Variants in NRXN3 observed in about 807,000 individuals in gnomAD.
The protein encoded by NRXN3 is neurexin 3, also known as neurexin III.
NRXN3 carries 32 observed loss-of-function variants against 137.6 expected under a neutral mutation model. The observed-to-expected ratio is 0.23, with a 90% CI of 0.18 to 0.31. NRXN3 has a LOEUF of 0.31. Among genes scored for constraint, NRXN3 ranks in the 10% least tolerant of loss-of-function variants. The probability of loss-of-function intolerance (pLI) is 1.00; values close to 1 mark genes in which losing one functional copy is unlikely to be tolerated. For missense variants in NRXN3, 1,574 were observed against 2,062.5 expected (o/e 0.76, Z 4.59); for synonymous variants, 798 against 784.5 (o/e 1.02, Z -0.29).
chr14:79,137,401 T>G (rs1193386650), intron 15 of NRXN3, among the ~76,000 whole-genome samples: 2 of 152,128 alleles, frequency 1.3e-5, no homozygotes, highest in Admixed American at 1.3e-4. Flanking sequence ...TGAAAAGTGA[T>G]GCACACTGCC....
chr14:79,492,316 A>T (rs938886163), intron 16 of NRXN3, among the ~76,000 whole-genome samples: 2 of 152,162 alleles, frequency 1.3e-5, no homozygotes, highest in African/African-American at 4.8e-5. Flanking sequence ...CCTATTCTCC[A>T]GTGCTGTCTT....
intron 19 of NRXN3, among the ~76,000 whole-genome samples, chr14:79,705,859 C>A (rs749857262): frequency 1.4e-4 from 21 of 152,152 alleles, no homozygotes; most frequent in Non-Finnish European, 1.8e-4. Context: ...TGTTTATTGT[C>A]CCTATTTAGT....
chr14:79,452,140 A>G (rs1258089759), intron 15 of NRXN3, among the ~76,000 whole-genome samples: 1 of 152,140 alleles, frequency 6.6e-6, no homozygotes, highest in African/African-American at 2.4e-5. Context: ...TAGCCACATA[A>G]AAAAGCAGTT....
chr14:79,294,285 G>T (rs2083670146), intron 15 of NRXN3, among the ~76,000 whole-genome samples: 1 of 152,082 alleles, frequency 6.6e-6, no homozygotes, highest in African/African-American at 2.4e-5. Flanking sequence ...TGTTAACTCA[G>T]GTAATTATTA....
At chr14:78,666,304 C>T (rs910634219) in intron 6 of NRXN3, among the ~76,000 whole-genome samples, 2 of 152,176 alleles carry the variant, frequency 1.3e-5, no homozygotes, top group African/African-American at 2.4e-5. Flanking sequence ...AAACCCCTCT[C>T]TTGACCTGCA....
rs578088303 is a variant in NRXN3, at chr14:78,563,846, A to G, written c.758-81274A>G. On this transcript the variant is annotated intron_variant, in intron 4 of 20. Coordinates refer to ENST00000335750, the MANE Select transcript of NRXN3 (RefSeq NM_001330195.2). The stretch of plus-strand genomic sequence containing the variant: ...GAAGAGCAGGGATGACTGGAACCCT[A>G]TAGCAGTGAGTCTGAGGAATGGGAT... Among the ~76,000 whole-genome samples the G allele has an allele frequency of 4.6e-5, 7 of 152,316 alleles. No homozygotes were observed. In the East Asian group the frequency reaches 5.8e-4, roughly 13 times the overall value.
rs201466842 is a variant in NRXN3 at position 78,803,775 on chromosome 14, C to G, written c.2200C>G (p.Leu734Val). 1 of 1,613,960 alleles carries G rather than the reference C, an allele frequency of 6.2e-7. No homozygotes were observed. Among genetic ancestry groups the G allele is most frequent in the Non-Finnish European group, 8.5e-7 (1 of 1,180,008 alleles). ...GACCTCCAGGGACTCTGCCGACACC[C>G]TGCGTCTGGAGCTGGATGGGGGGCG... ...ATTSRDSADT[L>V]RLELDGGRVK... Residue 734 changes from leucine to valine, a missense_variant, in exon 9 of 21, where the codon CTG becomes GTG. Coordinates refer to ENST00000335750, the MANE Select transcript of NRXN3 (RefSeq NM_001330195.2).
chr14:79,264,872 AT>A (rs1416783982), intron 15 of NRXN3, among the ~76,000 whole-genome samples: 8 of 152,152 alleles, frequency 5.3e-5, no homozygotes, highest in Non-Finnish European at 1.0e-4. Context: ...TTTATGATAA[AT>A]AACCAGAATT....
At chr14:78,179,989 G>A (rs2059669203) in intron 1 of NRXN3, among the ~76,000 whole-genome samples, 1 of 152,006 alleles carries the variant, frequency 6.6e-6, no homozygotes, top group East Asian at 1.9e-4. Context: ...GGGATTACAG[G>A]CATGTGCCAC....
chr14:78,286,874 G>A (rs1276185202), intron 3 of NRXN3, among the ~76,000 whole-genome samples: 1 of 152,196 alleles, frequency 6.6e-6, no homozygotes, highest in Non-Finnish European at 1.5e-5. Flanking sequence ...CAGATGAGAG[G>A]CAGGAAATTT....
At chr14:79,679,326 G>A (rs776237170) in intron 17 of NRXN3, among the ~76,000 whole-genome samples, 3 of 151,944 alleles carry the variant, frequency 2.0e-5, no homozygotes, top group Non-Finnish European at 2.9e-5. Flanking sequence ...ATCTTTACAC[G>A]TAAAATCACC....
chr14:79,227,739 C>CTCCTTCCT (rs745869619), intron 15 of NRXN3, among the ~76,000 whole-genome samples: 14,890 of 63,310 alleles, frequency 0.24, 4,021 homozygotes, highest in Non-Finnish European at 0.3. Context: ...TCTCCTTTCT[C>CTCCTTCCT]TCCTTCCTTC....
chr14:79,514,295 T>TA (rs2096961556), intron 16 of NRXN3, among the ~76,000 whole-genome samples: 1 of 152,054 alleles, frequency 6.6e-6, no homozygotes, highest in Non-Finnish European at 1.5e-5. Flanking sequence ...AGCAGCATTT[T>TA]AGAGTTCAGT....
At chr14:78,573,492 C>G (rs905007844) in intron 4 of NRXN3, among the ~76,000 whole-genome samples, 4 of 152,086 alleles carry the variant, frequency 2.6e-5, no homozygotes, top group African/African-American at 9.7e-5. Context: ...TTGGTGGGAA[C>G]TGGAATAAAA....
At chr14:79,309,310 T>C (rs1367383507) in intron 15 of NRXN3, among the ~76,000 whole-genome samples, 18 of 10,790 alleles carry the variant, frequency 1.7e-3, no homozygotes, top group African/African-American at 7.0e-3. Flanking sequence ...ATGTGCCACA[T>C]TTTCTTAATC....
chr14:79,275,705 T>C (rs1239948742), intron 15 of NRXN3, among the ~76,000 whole-genome samples: 1 of 150,834 alleles, frequency 6.6e-6, no homozygotes, highest in Non-Finnish European at 1.5e-5. Flanking sequence ...CACCTTACCC[T>C]GGGACATTCT....
chr14:79,076,506 C>T (rs2045996898), intron 15 of NRXN3, among the ~76,000 whole-genome samples: 1 of 152,118 alleles, frequency 6.6e-6, no homozygotes, highest in East Asian at 1.9e-4. Context: ...GACTGTTGGC[C>T]ACAGATAATA....
chr14:78,171,341 AGTGTGT>A (rs150864901), intron 1 of NRXN3, among the ~76,000 whole-genome samples: 1 of 143,556 alleles, frequency 7.0e-6, no homozygotes, highest in Non-Finnish European at 1.5e-5. Context: ...TGTGTGTGTG[AGTGTGT>A]GTGTGTGTGT....
At chr14:79,416,735 A>G (rs1048876411) in intron 15 of NRXN3, among the ~76,000 whole-genome samples, 4 of 152,172 alleles carry the variant, frequency 2.6e-5, no homozygotes, top group African/African-American at 9.6e-5. Context: ...ATATGTCTAT[A>G]GTCAGCCCAC....
Sources: allele counts gnomAD v4.1 joint callset (sites outside exome capture counted in the v4.1 genomes callset), GRCh38; gene constraint gnomAD v4.1.1; transcripts MANE v1.5; gene names NCBI Gene and HGNC (gene_info 2026-07-23, HGNC 2026-07-21).